LHFPL3: variants seen among roughly 807,000 people sequenced by gnomAD.
LHFPL3 encodes LHFPL tetraspan subfamily member 3, also known as LHFPL tetraspan subfamily member 3 protein.
LHFPL3 carries 5 observed loss-of-function variants against 19.3 expected under a neutral mutation model. The ratio of observed to expected loss-of-function variants is 0.26; its 90% CI spans 0.14 to 0.54. The LOEUF is 0.54. Among genes scored for constraint, LHFPL3 ranks in the 20% least tolerant of loss-of-function variants. LHFPL3 has a pLI of 0.94. For missense variants in LHFPL3, 249 were observed against 307.4 expected (o/e 0.81, Z 1.42); for synonymous variants, 133 against 126.2 (o/e 1.05, Z -0.36).
At chr7:104,518,636 T>C (rs1467122300) in intron 1 of LHFPL3, among the ~76,000 whole-genome samples, 2 of 152,110 alleles carry the variant, frequency 1.3e-5, no homozygotes, top group Non-Finnish European at 2.9e-5. Context: ...ATACAAAAAT[T>C]AGCCAGGCAT....
intron 1 of LHFPL3, among the ~76,000 whole-genome samples, chr7:104,584,427 G>T (rs1243522124): frequency 6.6e-6 from 1 of 151,792 alleles, no homozygotes; most frequent in Non-Finnish European, 1.5e-5. Context: ...CCTGCACATT[G>T]TGCACATGTA....
intron 1 of LHFPL3, among the ~76,000 whole-genome samples, chr7:104,670,359 CGT>C (rs1792454183): frequency 6.6e-6 from 1 of 152,130 alleles, no homozygotes; most frequent in Non-Finnish European, 1.5e-5. Flanking sequence ...ACTTGGGGGT[CGT>C]GGTAATTCCC....
chr7:104,563,449 G>C (rs1005840786), intron 1 of LHFPL3, among the ~76,000 whole-genome samples: 2 of 152,308 alleles, frequency 1.3e-5, no homozygotes, highest in Non-Finnish European at 2.9e-5. Context: ...GATTTTCCAG[G>C]TGCCATCCGT....
At chr7:104,587,195 G>A (rs1014062543) in intron 1 of LHFPL3, among the ~76,000 whole-genome samples, 1 of 152,160 alleles carries the variant, frequency 6.6e-6, no homozygotes, top group African/African-American at 2.4e-5. Flanking sequence ...ATGTATACAT[G>A]TGCCATGTTG....
At chr7:104,714,511 T>C (rs1198499644) in intron 1 of LHFPL3, among the ~76,000 whole-genome samples, 3 of 151,124 alleles carry the variant, frequency 2.0e-5, no homozygotes, top group African/African-American at 7.3e-5. Context: ...TTGCCACAAG[T>C]CTGGGTTTTT....
At chr7:104,717,415 C>T (rs1197334127) in intron 1 of LHFPL3, among the ~76,000 whole-genome samples, 2 of 151,978 alleles carry the variant, frequency 1.3e-5, no homozygotes, top group Non-Finnish European at 1.5e-5. Flanking sequence ...ATCTGATACA[C>T]GGTTAATTTC....
chr7:104,491,154 G>GT (rs11384488), intron 1 of LHFPL3, among the ~76,000 whole-genome samples: 1 of 151,594 alleles, frequency 6.6e-6, no homozygotes. Flanking sequence ...TTAGACCAGA[G>GT]GCTGTAACAC....
chr7:104,519,894 T>C (rs1013522864), intron 1 of LHFPL3, among the ~76,000 whole-genome samples: 6 of 152,114 alleles, frequency 3.9e-5, no homozygotes, highest in Non-Finnish European at 8.8e-5. Context: ...GTGGTTGTCC[T>C]TGGTGCAAGT....
intron 1 of LHFPL3, among the ~76,000 whole-genome samples, chr7:104,692,573 TC>T (rs1391055088): frequency 4.6e-5 from 7 of 152,248 alleles, no homozygotes. Flanking sequence ...GTGCCCTTTG[TC>T]CCAGCTGTGG....
At chr7:104,366,641 G>C (rs1790500305) in intron 1 of LHFPL3, among the ~76,000 whole-genome samples, 1 of 152,080 alleles carries the variant, frequency 6.6e-6, no homozygotes, top group Non-Finnish European at 1.5e-5. Context: ...TTCCCTAACT[G>C]TTGCCAGCTG....
intron 1 of LHFPL3, among the ~76,000 whole-genome samples, chr7:104,672,915 A>G (rs552123838): frequency 6.6e-6 from 1 of 152,024 alleles, no homozygotes; most frequent in East Asian, 1.9e-4. Context: ...TCTCCACTCA[A>G]TCACTAAAGG....
At chr7:104,803,980 T>C (rs1790306013) in intron 2 of LHFPL3, 1 of 152,232 alleles carries the variant, frequency 6.6e-6, no homozygotes, top group South Asian at 2.1e-4. Flanking sequence ...CAGGACTGGT[T>C]CAACAAATAG....
At chr7:104,500,043 A>T (rs914777875) in intron 1 of LHFPL3, among the ~76,000 whole-genome samples, 2 of 152,224 alleles carry the variant, frequency 1.3e-5, no homozygotes, top group African/African-American at 4.8e-5. Flanking sequence ...AGATGTCTAC[A>T]GTGACTATGC....
chr7:104,870,245 A>G (rs374019197), intron 2 of LHFPL3, among the ~76,000 whole-genome samples: 19 of 152,308 alleles, frequency 1.2e-4, no homozygotes, highest in South Asian at 1.0e-3. Context: ...GTATAATAAT[A>G]AAAAAAGAAA....
In LHFPL3 at chr7:104,492,060, G is replaced by A. The variant is rs567586031; in HGVS notation, c.445+162836G>A. Among the ~76,000 whole-genome samples, 15 of 152,228 alleles carry A rather than the reference G, an allele frequency of 9.9e-5. No individual in the cohort carries two copies. In the East Asian group the frequency reaches 1.2e-3, roughly 12 times the overall value. On this transcript the variant is annotated intron_variant, in intron 1 of 2. Coordinates refer to ENST00000424859, the MANE Select transcript of LHFPL3 (RefSeq NM_199000.3). Reference sequence around the variant, plus strand: ...GTGTGGAGATCATTAATTTGGGTTCGAATGTTTCTTTCCTTTAGTATGTGC... The same window carrying A: ...GTGTGGAGATCATTAATTTGGGTTCAAATGTTTCTTTCCTTTAGTATGTGC...
At chr7:104,336,767 T>C (rs780593177) in intron 1 of LHFPL3, among the ~76,000 whole-genome samples, 1 of 152,178 alleles carries the variant, frequency 6.6e-6, no homozygotes, top group Non-Finnish European at 1.5e-5. Flanking sequence ...CTGAGTGAAG[T>C]TGATCTTCTA....
intron 1 of LHFPL3, among the ~76,000 whole-genome samples, chr7:104,441,953 T>A (rs958855522): frequency 2.0e-5 from 3 of 152,200 alleles, no homozygotes; most frequent in African/African-American, 7.2e-5. Context: ...TTCTTAATTT[T>A]TTGAAGAAGT....
At chr7:104,389,255 G>C (rs991819686) in intron 1 of LHFPL3, among the ~76,000 whole-genome samples, 2 of 151,996 alleles carry the variant, frequency 1.3e-5, no homozygotes, top group Admixed American at 6.6e-5. Context: ...AGGAAATTAA[G>C]AAAACAATCC....
intron 1 of LHFPL3, among the ~76,000 whole-genome samples, chr7:104,479,088 T>C (rs939434720): frequency 1.2e-4 from 19 of 152,148 alleles, no homozygotes; most frequent in African/African-American, 4.1e-4. Context: ...GTGGCTGTTA[T>C]CTCTAGCTCA....
Sources: gnomAD v4.1 joint callset for allele counts (sites outside exome capture counted in the v4.1 genomes callset) on GRCh38, gnomAD v4.1.1 for gene constraint, MANE v1.5 for transcripts, NCBI Gene and HGNC (gene_info 2026-07-23, HGNC 2026-07-21) for gene names.